Variants in BAIAP2 observed in about 807,000 individuals in gnomAD.
BAIAP2 encodes BAR/IMD domain containing adaptor protein 2, also known as BAR/IMD domain-containing adapter protein 2.
In BAIAP2, 18 loss-of-function variants were observed where a neutral mutation model predicts 63.0. That is an observed-to-expected ratio of 0.29 (90% confidence interval 0.20 to 0.42). The LOEUF is 0.42. BAIAP2 is among the 10% of genes least tolerant of loss of function. BAIAP2 has a pLI of 1.00. For synonymous variants in BAIAP2, 386 were observed against 307.6 expected (o/e 1.25, Z -2.67); for missense variants, 610 against 734.3 (o/e 0.83, Z 1.96).
intron 3 of BAIAP2, among the ~76,000 whole-genome samples, chr17:81,063,281 C>T (rs2050904353): frequency 6.6e-6 from 1 of 152,166 alleles, no homozygotes; most frequent in Non-Finnish European, 1.5e-5. Flanking sequence ...GGCTTGGTGC[C>T]ACAGGAAGAT....
At chr17:81,094,174 C>T (rs755227240) in intron 6 of BAIAP2, among the ~76,000 whole-genome samples, 4 of 152,198 alleles carry the variant, frequency 2.6e-5, no homozygotes, top group African/African-American at 4.8e-5. Context: ...TCTTAGCCCC[C>T]ACTTCTCCTG....
At chr17:81,107,033 G>A (rs2059267414) in intron 12 of BAIAP2, 126 bp downstream of exon 12, 1 of 1,168,708 alleles carries the variant, frequency 8.6e-7, no homozygotes, top group Non-Finnish European at 1.2e-6. Context: ...GGACAGCCCT[G>A]GGGTGAAGGC....
At position 81,106,081 on chromosome 17, in the gene BAIAP2, G is replaced by A. The variant is rs1477488134; in HGVS notation, c.1272G>A (p.Arg424=). 6.3e-7 allele frequency: 1 copy of A among 1,576,338 alleles called. No homozygotes were observed. The highest frequency in any genetic ancestry group is 1.8e-5 in the Admixed American group (1 of 54,190). ...HYGESEKTKM[R]GWFPFSYTRV... The stretch of plus-strand genomic sequence containing the variant: ...TTACCTGGGGCCTCTCTTCCAGGCG[G>A]GGCTGGTTTCCCTTCTCCTACACCC... Residue 424 remains arginine (R), a synonymous_variant, in exon 11 of 14, where the codon CGG becomes CGA. Transcript: ENST00000428708.
intron 3 of BAIAP2, among the ~76,000 whole-genome samples, chr17:81,077,563 CAAA>C (rs10564899): frequency 3.1e-4 from 46 of 146,964 alleles, no homozygotes; most frequent in Non-Finnish European, 2.7e-4. Flanking sequence ...GACTCTGTCT[CAAA>C]AAAAAAAAAA....
rs760310435 is a variant in BAIAP2 at position 81,035,244 on chromosome 17, G to A, written c.-11G>A. The A allele has an allele frequency of 1.3e-6, 2 of 1,510,778 alleles. No homozygotes were observed. The highest frequency in any genetic ancestry group is 1.8e-4 in the Middle Eastern group (1 of 5,610). The allele number at this position is 1,510,778 out of a possible 1,614,324, so 93.6% of individuals were successfully genotyped here. Reference sequence around the variant, plus strand: ...CCGCTCCGGTCTGTGGTGCAGCCGGGACCCAGGACCATGTCTCTGTCTCGC... The same window carrying A: ...CCGCTCCGGTCTGTGGTGCAGCCGGAACCCAGGACCATGTCTCTGTCTCGC... On this transcript the variant is annotated 5_prime_UTR_variant, in exon 1 of 14. Coordinates refer to ENST00000428708, the MANE Select transcript of BAIAP2 (RefSeq NM_001144888.2).
chr17:81,085,968 G>T (rs116388935), intron 5 of BAIAP2, among the ~76,000 whole-genome samples: 240 of 152,362 alleles, frequency 1.6e-3, no homozygotes, highest in African/African-American at 5.5e-3. Context: ...CCCGGCTTTG[G>T]CCACTTGCGG....
intron 1 of BAIAP2, chr17:81,036,975 G>A: frequency 4.6e-6 from 7 of 1,534,802 alleles, no homozygotes; most frequent in Non-Finnish European, 6.1e-6. Flanking sequence ...AGTACATGGA[G>A]TGGTTTTGCT....
intron 11 of BAIAP2, 109 bp from the exon 12 acceptor site, chr17:81,106,636 C>G (rs1227636944): frequency 2.3e-6 from 3 of 1,330,068 alleles, no homozygotes; most frequent in East Asian, 2.4e-5. Flanking sequence ...GCAGCCTCCC[C>G]GCATGTGGCG....
intron 3 of BAIAP2, among the ~76,000 whole-genome samples, chr17:81,078,558 G>A (rs2054088073): frequency 6.9e-6 from 1 of 144,032 alleles, no homozygotes; most frequent in Non-Finnish European, 1.5e-5. Flanking sequence ...GGCGCTGTGG[G>A]TGCAGGTGCC....
chr17:81,089,180 T>C (rs1464075136), intron 6 of BAIAP2, among the ~76,000 whole-genome samples: 3 of 151,924 alleles, frequency 2.0e-5, no homozygotes, highest in African/African-American at 7.2e-5. Context: ...TGATGGCTGG[T>C]CTGTCTGTTT....
At position 81,104,459 on chromosome 17, in the gene BAIAP2, C is replaced by T. The variant is rs2058886845; in HGVS notation, c.1067-55C>T. The T allele has an allele frequency of 3.3e-6, 5 of 1,526,322 alleles. No individual in the cohort carries two copies. In the South Asian group the frequency reaches 4.9e-5, roughly 15 times the overall value. 94.5% of individuals were successfully genotyped at this position (1,526,322 alleles called of 1,614,324 possible). On this transcript the variant is annotated intron_variant, in intron 9 of 13. Coordinates refer to ENST00000428708, the MANE Select transcript of BAIAP2 (RefSeq NM_001144888.2). ...CAGCACCTCAACCAGACTCCCTGGG[C>T]TTTGCTGCCCCGCCAGCCAGGGGCA... is the stretch of plus-strand genomic sequence containing the variant.
intron 3 of BAIAP2, among the ~76,000 whole-genome samples, chr17:81,073,580 C>T (rs1258728371): frequency 6.6e-6 from 1 of 152,160 alleles, no homozygotes; most frequent in African/African-American, 2.4e-5. Context: ...TGCTGTTTGC[C>T]CTCGCAGATG....
intron 1 of BAIAP2, among the ~76,000 whole-genome samples, chr17:81,052,578 G>A (rs2048841577): frequency 6.6e-6 from 1 of 152,014 alleles, no homozygotes; most frequent in Non-Finnish European, 1.5e-5. Flanking sequence ...ACACACCCTG[G>A]CCATACCTCA....
At chr17:81,101,608 C>G (rs950090260) in intron 7 of BAIAP2, among the ~76,000 whole-genome samples, 5 of 151,512 alleles carry the variant, frequency 3.3e-5, no homozygotes, top group Admixed American at 2.0e-4. Flanking sequence ...CCCCACCCAC[C>G]ACACTCTCAT....
intron 1 of BAIAP2, 113 bp downstream of exon 1, chr17:81,035,421 G>A (rs1056376909): frequency 1.3e-4 from 73 of 551,352 alleles, no homozygotes; most frequent in Non-Finnish European, 1.6e-4. Flanking sequence ...CGGGCCAGGA[G>A]GCTGGGACTT....
intron 9 of BAIAP2, 42 bp from the exon 10 acceptor site, chr17:81,104,472 C>T: frequency 6.5e-7 from 1 of 1,540,710 alleles, no homozygotes. Flanking sequence ...TGCTGCCCCG[C>T]CAGCCAGGGG....
At position 81,117,354 on chromosome 17, in the gene BAIAP2, G is replaced by C. The variant is rs1021430234; in HGVS notation, c.*1515G>C. The C allele has an allele frequency of 2.0e-5, 3 of 152,300 alleles. No individual in the cohort carries two copies. The highest frequency in any genetic ancestry group is 2.9e-5 in the Non-Finnish European group (2 of 68,056). 9.4% of individuals were successfully genotyped at this position (152,300 alleles called of 1,614,324 possible). A position where few individuals can be genotyped will look rare whatever the true frequency, so the allele number is the denominator to read the frequency against. On this transcript the variant is annotated 3_prime_UTR_variant, in exon 14 of 14. Coordinates refer to ENST00000428708, the MANE Select transcript of BAIAP2 (RefSeq NM_001144888.2). The stretch of plus-strand genomic sequence containing the variant: ...CAAGGAACAAGAAAACATTGCACCA[G>C]CGTTCTAAGCCTCAAACAAAACACA...
chr17:81,110,747 GC>G (rs1184791427), intron 13 of BAIAP2, among the ~76,000 whole-genome samples: 2 of 152,232 alleles, frequency 1.3e-5, no homozygotes, highest in Non-Finnish European at 2.9e-5. Context: ...AGTGAGGCAG[GC>G]TCCGCAGGCG....
At chr17:81,109,776 GCA>G (rs2059677236) in intron 13 of BAIAP2, 2 of 985,328 alleles carry the variant, frequency 2.0e-6, no homozygotes, top group Non-Finnish European at 2.4e-6. Context: ...CCAGCTGGCC[GCA>G]CACGGACATT....
Sources: gnomAD v4.1 joint callset for allele counts (sites outside exome capture counted in the v4.1 genomes callset) on GRCh38, gnomAD v4.1.1 for gene constraint, MANE v1.5 for transcripts, NCBI Gene and HGNC (gene_info 2026-07-23, HGNC 2026-07-21) for gene names.